Variants in EPB41L3 observed in about 807,000 individuals in gnomAD.
EPB41L3 encodes erythrocyte membrane protein band 4.1 like 3.
Under a neutral mutation model 127.1 loss-of-function variants are expected in EPB41L3, and 57 were observed. That is an observed-to-expected ratio of 0.45 (90% CI 0.36 to 0.56). EPB41L3 has a LOEUF of 0.56. EPB41L3 is among the 20% of genes least tolerant of loss of function. The pLI is 0.00. For missense variants in EPB41L3, 1,273 were observed against 1,372.2 expected (o/e 0.93, Z 1.14); for synonymous variants, 572 against 549.5 (o/e 1.04, Z -0.57).
chr18:5,483,161 A>G (rs1316606134), intron 2 of EPB41L3, among the ~76,000 whole-genome samples: 2 of 152,046 alleles, frequency 1.3e-5, no homozygotes, highest in Admixed American at 6.6e-5. Flanking sequence ...GATGGAGTTA[A>G]AGTATAGAAT....
At chr18:5,546,983 A>T (rs1435306947), upstream of EPB41L3, among the ~76,000 whole-genome samples, 1 of 152,348 alleles carries the variant, frequency 6.6e-6, no homozygotes, top group East Asian at 1.9e-4. Context: ...CATGTATAAA[A>T]GGGACTGATT....
rs571003872 is a variant in EPB41L3 at position 5,396,278 on chromosome 18, C to T, written c.2896G>A (p.Val966Ile). 2 of 1,614,228 alleles carry T rather than the reference C, an allele frequency of 1.2e-6. No individual in the cohort carries two copies. Among genetic ancestry groups the T allele is most frequent in the East Asian group, 2.2e-5 (1 of 44,882 alleles). Residue 966 changes from valine to isoleucine, a missense_variant, in exon 19 of 23, where the codon GTA (valine) becomes ATA (isoleucine). Transcript: ENST00000341928. Reference protein sequence around the residue: ...ISFGSVSPGGVKLEISTKEVP... With the variant: ...ISFGSVSPGGIKLEISTKEVP... Reference sequence around the variant, plus strand: ...TCCTTCGTGGAAATTTCTAGCTTTACTCCTCCCGGTGAAACACTGCCAAAA... The same window carrying T: ...TCCTTCGTGGAAATTTCTAGCTTTATTCCTCCCGGTGAAACACTGCCAAAA...
chr18:5,491,622 TCA>T (rs1197759952), intron 1 of EPB41L3, among the ~76,000 whole-genome samples: 1 of 152,186 alleles, frequency 6.6e-6, no homozygotes, highest in Non-Finnish European at 1.5e-5. Flanking sequence ...CTGTTGTATA[TCA>T]CACAACTCAC....
In EPB41L3 at chr18:5,534,832, T is replaced by C. The variant is rs1337580773; in HGVS notation, c.-12+9081A>G. On this transcript the variant is annotated intron_variant, in intron 1 of 22. Transcript: ENST00000341928. ...CATTTCAACCTGGAGGTAGGCAGCA[T>C]CGTCATCTGTTCACTCTGGGGAACC... Among the ~76,000 whole-genome samples, 3 of 152,332 alleles carry C rather than the reference T, an allele frequency of 2.0e-5. No individual in the cohort carries two copies. In the East Asian group the frequency reaches 5.8e-4, roughly 29 times the overall value.
At chr18:5,460,686 T>C (rs1044346952) in intron 3 of EPB41L3, among the ~76,000 whole-genome samples, 3 of 152,204 alleles carry the variant, frequency 2.0e-5, no homozygotes, top group African/African-American at 7.2e-5. Flanking sequence ...AGAGCTGCAG[T>C]AGAGAGTTTA....
chr18:5,462,685 T>C (rs1016230758), intron 3 of EPB41L3, among the ~76,000 whole-genome samples: 2 of 152,190 alleles, frequency 1.3e-5, no homozygotes, highest in Non-Finnish European at 2.9e-5. Context: ...CAAAGGTTAG[T>C]ATCCCCCAGA....
chr18:5,619,215 AAAG>A (rs2094832724), intron 1 of EPB41L3, among the ~76,000 whole-genome samples: 1 of 152,162 alleles, frequency 6.6e-6, no homozygotes, highest in Admixed American at 6.5e-5. Flanking sequence ...AGTAGGCAGA[AAAG>A]AAGAAGAGCA....
chr18:5,436,894 G>A (rs975082050), intron 6 of EPB41L3, among the ~76,000 whole-genome samples: 2 of 152,220 alleles, frequency 1.3e-5, no homozygotes. Flanking sequence ...AATATGTCTG[G>A]TGAAATTATT....
chr18:5,433,082 CAG>C (rs1325436127), intron 8 of EPB41L3, among the ~76,000 whole-genome samples: 6 of 152,122 alleles, frequency 3.9e-5, no homozygotes, highest in Admixed American at 2.6e-4. Context: ...AGCGTAGAAA[CAG>C]AGTCTGATGG....
intron 2 of EPB41L3, among the ~76,000 whole-genome samples, chr18:5,479,084 C>T (rs1465682695): frequency 6.6e-6 from 1 of 152,226 alleles, no homozygotes; most frequent in Admixed American, 6.5e-5. Flanking sequence ...CTTTAATCTG[C>T]TTTCAAACCA....
chr18:5,502,604 T>C (rs1039166905), intron 1 of EPB41L3, among the ~76,000 whole-genome samples: 1 of 152,142 alleles, frequency 6.6e-6, no homozygotes, highest in African/African-American at 2.4e-5. Context: ...TCCTCAAACA[T>C]GCATGGAACC....
At chr18:5,544,407 TA>T (rs2149098382), upstream of EPB41L3, 1 of 772,678 alleles carries the variant, frequency 1.3e-6, no homozygotes, top group East Asian at 1.3e-4. Flanking sequence ...GGGACTGCAG[TA>T]TTTTTTTTTT....
intron 1 of EPB41L3, chr18:5,489,479 A>G: frequency 2.8e-6 from 1 of 363,012 alleles, no homozygotes; most frequent in East Asian, 5.0e-5. Context: ...TTGTTAAATG[A>G]CATTAAAGAA....
chr18:5,441,504 C>T (rs1195311768), intron 5 of EPB41L3, among the ~76,000 whole-genome samples: 4 of 146,142 alleles, frequency 2.7e-5, no homozygotes, highest in African/African-American at 7.8e-5. Flanking sequence ...TTCGCTCTGT[C>T]GCCCAGGCTG....
chr18:5,468,809 G>C (rs2085492700), intron 3 of EPB41L3, among the ~76,000 whole-genome samples: 2 of 152,180 alleles, frequency 1.3e-5, no homozygotes, highest in South Asian at 4.1e-4. Flanking sequence ...CCAGCTACTT[G>C]GGAAGCTGAG....
chr18:5,402,071 C>A (rs1318383137), intron 16 of EPB41L3, among the ~76,000 whole-genome samples: 1 of 151,666 alleles, frequency 6.6e-6, no homozygotes, highest in Admixed American at 6.6e-5. Flanking sequence ...TGTAGGGGAA[C>A]ATCTGGAATA....
At chr18:5,436,412 T>C (rs2079817056) in intron 6 of EPB41L3, among the ~76,000 whole-genome samples, 2 of 131,088 alleles carry the variant, frequency 1.5e-5, no homozygotes, top group African/African-American at 7.3e-5. Context: ...TCTTTTTTTT[T>C]TTTTTTTTTT....
rs1484674755 is a variant in EPB41L3, at chr18:5,406,942, C to G, written c.2184G>C (p.Leu728=). The G allele has an allele frequency of 6.2e-7, 1 of 1,614,164 alleles. No homozygotes were observed. The highest frequency in any genetic ancestry group is 8.5e-7 in the Non-Finnish European group (1 of 1,180,008). Residue 728 remains leucine, a synonymous_variant, in exon 16 of 23, where the codon CTG becomes CTC. Coordinates refer to ENST00000341928, the MANE Select transcript of EPB41L3 (RefSeq NM_012307.5). The part of the protein sequence containing the change: ...AQELEKTQDD[L]MKHQTNISEL... Reference sequence around the variant, plus strand: ...CGCTAATGTTGGTTTGATGTTTCATCAGGTCATCTTGAGTTTTTTCTAGCT... The same window carrying G: ...CGCTAATGTTGGTTTGATGTTTCATGAGGTCATCTTGAGTTTTTTCTAGCT...
chr18:5,501,722 T>C (rs1181900764), intron 1 of EPB41L3, among the ~76,000 whole-genome samples: 1 of 152,194 alleles, frequency 6.6e-6, no homozygotes, highest in Non-Finnish European at 1.5e-5. Context: ...TGGCATTTTT[T>C]TTCATCCTTC....
Sources: gnomAD v4.1 joint callset for allele counts (sites outside exome capture counted in the v4.1 genomes callset) on GRCh38, gnomAD v4.1.1 for gene constraint, MANE v1.5 for transcripts, NCBI Gene and HGNC (gene_info 2026-07-23, HGNC 2026-07-21) for gene names.